The following SNX25 variants were observed in gnomAD, a reference collection of about 807,000 sequenced individuals.
SNX25 encodes the protein sorting nexin 25.
SNX25 carries 62 observed loss-of-function variants against 113.7 expected under a neutral mutation model. The ratio of observed to expected loss-of-function variants is 0.55; its 90% CI spans 0.44 to 0.67. SNX25 has a LOEUF of 0.67. Among genes scored for constraint, SNX25 ranks in the 30% least tolerant of loss-of-function variants. The pLI, the probability that SNX25 is intolerant of heterozygous loss-of-function variation, is 0.00. For missense variants in SNX25, 1,014 were observed against 1,161.0 expected, an observed-to-expected ratio of 0.87 and a Z score of 1.84; for synonymous variants, 421 against 436.2, an observed-to-expected ratio of 0.97 and a Z score of 0.43.
chr4:185,238,087 T>G (rs1374431304), intron 1 of SNX25, among the ~76,000 whole-genome samples: 3 of 132,958 alleles, frequency 2.3e-5, no homozygotes, highest in South Asian at 5.1e-4. Flanking sequence ...AAAAAAAAAT[T>G]TAGAGCACCT....
intron 6 of SNX25, among the ~76,000 whole-genome samples, chr4:185,292,185 G>A (rs62345568): frequency 0.037 from 5,580 of 152,180 alleles, 115 homozygotes; most frequent in Middle Eastern, 0.061. Context: ...GTTCCAGCCA[G>A]CACATGCCTT....
chr4:185,241,007 C>G (rs1375632198), intron 1 of SNX25, among the ~76,000 whole-genome samples: 1 of 149,712 alleles, frequency 6.7e-6, no homozygotes, highest in Non-Finnish European at 1.5e-5. Context: ...GGCAGCCAGG[C>G]AGAGAGGCTC....
rs2095374622 is a variant in SNX25 at position 185,363,263 on chromosome 4, A to T, written c.2935-122A>T. The T allele has an allele frequency of 6.3e-6, 5 of 787,622 alleles. No individual in the cohort carries two copies. The highest frequency in any genetic ancestry group is 2.5e-5 in the Admixed American group (1 of 39,728). 48.8% of individuals were successfully genotyped at this position (787,622 alleles called of 1,614,324 possible). A position where few individuals can be genotyped will look rare whatever the true frequency, so the allele number is the denominator to read the frequency against. On this transcript the variant is annotated intron_variant, in intron 18 of 18. Transcript: ENST00000652585. The surrounding 1 kb of genome is among the most constrained non-coding windows in gnomAD (Gnocchi z 4.2). ...CAATATTAAATACTGTTTGAGAGTT[A>T]CTTGTTTACTGAGATAATTTCAGAC...
chr4:185,268,402 G>A (rs1483884532), intron 5 of SNX25, among the ~76,000 whole-genome samples: 8 of 152,056 alleles, frequency 5.3e-5, no homozygotes, highest in Admixed American at 5.2e-4. Flanking sequence ...ATTTTAGGGG[G>A]TGTGTATTTT....
chr4:185,364,793 G>C (rs2095380590), downstream of SNX25: 1 of 152,138 alleles, frequency 6.6e-6, no homozygotes, highest in Non-Finnish European at 1.5e-5. Context: ...AGGAAGAGAG[G>C]CAATGTGAAG....
At chr4:185,338,206 T>C (rs1474977448) in intron 10 of SNX25, among the ~76,000 whole-genome samples, 1 of 152,194 alleles carries the variant, frequency 6.6e-6, no homozygotes, top group Non-Finnish European at 1.5e-5. Flanking sequence ...TTGTTGCCTG[T>C]GCTTTTTGTG....
At chr4:185,326,577 T>G (rs546035448) in intron 9 of SNX25, among the ~76,000 whole-genome samples, 1 of 152,278 alleles carries the variant, frequency 6.6e-6, no homozygotes, top group African/African-American at 2.4e-5. Context: ...ATAACATACA[T>G]TAAGATATAT....
Position 185,346,427 on chromosome 4 carries a change from G to T in SNX25, c.2188-110G>T, listed in dbSNP as rs568976720. 4.1e-6 allele frequency: 3 copies of T among 739,812 alleles called. No homozygotes were observed. In the East Asian group the frequency reaches 9.3e-5, roughly 23 times the overall value. 45.8% of individuals were successfully genotyped at this position (739,812 alleles called of 1,614,324 possible). On this transcript the variant is annotated intron_variant, in intron 12 of 18. Transcript: ENST00000652585. Reference sequence around the variant, plus strand: ...AGATGGGTAGGTTTTCACCTCAGAGGAACAAGTACAGGAGGAGGATATTTG... The same window carrying T: ...AGATGGGTAGGTTTTCACCTCAGAGTAACAAGTACAGGAGGAGGATATTTG...
chr4:185,237,129 T>A (rs1239518122), intron 1 of SNX25, among the ~76,000 whole-genome samples: 1 of 143,278 alleles, frequency 7.0e-6, no homozygotes, highest in Non-Finnish European at 1.5e-5. Flanking sequence ...GTATCTAAAG[T>A]AGAAATTGTG....
downstream of SNX25, among the ~76,000 whole-genome samples, chr4:185,372,629 G>A (rs374897963): frequency 2.0e-5 from 3 of 152,202 alleles, no homozygotes; most frequent in African/African-American, 7.2e-5. Flanking sequence ...CTTAAGAGGC[G>A]ACGAGGCCAT....
chr4:185,282,437 G>T (rs1750739625), intron 5 of SNX25, among the ~76,000 whole-genome samples: 1 of 152,138 alleles, frequency 6.6e-6, no homozygotes, highest in Non-Finnish European at 1.5e-5. Flanking sequence ...CCAAAGTGCT[G>T]GGATTACAGG....
chr4:185,305,535 A>G lies in SNX25; in HGVS notation c.1163-5100A>G, dbSNP rs1391454068. 2.6e-5 allele frequency among the ~76,000 whole-genome samples: 4 copies of G among 152,210 alleles called. No homozygotes were observed. The East Asian group carries it at 7.7e-4, about 29-fold the overall frequency. On this transcript the variant is annotated intron_variant, in intron 6 of 18. Coordinates refer to ENST00000652585, the MANE Select transcript of SNX25 (RefSeq NM_001378034.2). Reference sequence around the variant, plus strand: ...TGCCTCATTAGAAATAGCATCTAACAGTTGTCGTTAGATGTTGCTGTTTTT... The same window carrying G: ...TGCCTCATTAGAAATAGCATCTAACGGTTGTCGTTAGATGTTGCTGTTTTT...
At chr4:185,351,352 C>T (rs148386674) in intron 13 of SNX25, 93 bp from the exon 14 acceptor site, 46 of 1,333,600 alleles carry the variant, frequency 3.4e-5, no homozygotes, top group African/African-American at 3.2e-4. Flanking sequence ...AAAGTAAATT[C>T]GTGACAGCTC....
chr4:185,220,820 G>A, intron 1 of SNX25, among the ~76,000 whole-genome samples: 1 of 151,868 alleles, frequency 6.6e-6, no homozygotes, highest in Non-Finnish European at 1.5e-5. Context: ...ATACCCCATA[G>A]GCACTCCATC....
intron 5 of SNX25, among the ~76,000 whole-genome samples, chr4:185,272,104 T>C (rs1749012839): frequency 6.6e-6 from 1 of 152,202 alleles, no homozygotes; most frequent in South Asian, 2.1e-4. Flanking sequence ...ATATTTTGAA[T>C]TTTCCATGGT....
In SNX25 at chr4:185,210,131, C is replaced by A; in HGVS notation, c.305C>A (p.Ala102Glu). 1.0e-6 allele frequency: 1 copy of A among 984,162 alleles called. No individual in the cohort carries two copies. Among genetic ancestry groups the A allele is most frequent in the Non-Finnish European group, 1.2e-6 (1 of 829,558 alleles). 61.0% of individuals were successfully genotyped at this position (984,162 alleles called of 1,614,324 possible). A position where few individuals can be genotyped will look rare whatever the true frequency, so the allele number is the denominator to read the frequency against. Residue 102 changes from alanine to glutamate, a missense_variant, in exon 1 of 19, where the codon GCG (alanine) becomes GAG (glutamate). Transcript: ENST00000652585. This position sits in a 1 kb window ranked among gnomAD's most constrained non-coding sequence, Gnocchi z 4.4. The part of the protein sequence containing the change: ...FRLSLYLSCA[A>E]AAFLLGILFA... ...CTCAGCCTGTACCTGAGCTGCGCGGCGGCCGCCTTCCTGCTGGGGATCCTG... is the reference window on the plus strand; with the variant it reads ...CTCAGCCTGTACCTGAGCTGCGCGGAGGCCGCCTTCCTGCTGGGGATCCTG...
intron 1 of SNX25, among the ~76,000 whole-genome samples, chr4:185,240,389 C>CA (rs1305776145): frequency 4.8e-5 from 7 of 146,980 alleles, no homozygotes; most frequent in Admixed American, 6.7e-5. Context: ...GCTGGCCGGG[C>CA]GGGGGGCTGA....
intron 13 of SNX25, among the ~76,000 whole-genome samples, chr4:185,349,942 A>G (rs1300697001): frequency 2.0e-5 from 3 of 152,158 alleles, no homozygotes; most frequent in Non-Finnish European, 2.9e-5. Context: ...ACATCTCACT[A>G]CTCCTGATCC....
At chr4:185,320,544 T>C (rs2095111941) in intron 7 of SNX25, among the ~76,000 whole-genome samples, 189 bp from the exon 8 acceptor site, 1 of 151,986 alleles carries the variant, frequency 6.6e-6, no homozygotes, top group Admixed American at 6.6e-5. Context: ...ACAGCACATA[T>C]ATACCTATGT....
Sources: gnomAD v4.1 joint callset for allele counts (sites outside exome capture counted in the v4.1 genomes callset) on GRCh38, gnomAD v4.1.1 for gene constraint, Gnocchi (gnomAD v3.1) non-coding constraint, MANE v1.5 for transcripts, NCBI Gene and HGNC (gene_info 2026-07-23, HGNC 2026-07-21) for gene names.